The following FIGNL2 variants were observed in gnomAD, a reference collection of about 807,000 sequenced individuals.
FIGNL2 encodes fidgetin-like protein 2.
For missense variants in FIGNL2, 1,060 were observed against 950.2 expected, an observed-to-expected ratio of 1.12 and a Z score of -1.52; for synonymous variants, 565 against 484.0, an observed-to-expected ratio of 1.17 and a Z score of -2.20.
Position 51,822,304 on chromosome 12 carries a change from C to A in FIGNL2, c.110G>T (p.Gly37Val), listed in dbSNP as rs375013993. ...SPAHKLELPPGGRQRCHYAWA... is the reference protein window; with the variant it reads ...SPAHKLELPPVGRQRCHYAWA... ...AGCGTAGTGGCAGCGTTGGCGACCC[C>A]CAGGGGGCAACTCCAACTTGTGGGC... is the stretch of plus-strand genomic sequence containing the variant. The change falls in exon 2 of 2, where the codon GGG becomes GTG. Residue 37 changes from glycine to valine, a missense_variant. Physicochemically the swap from Gly to Val is moderately radical, Grantham distance 109 (BLOSUM62 -3). Transcript: ENST00000618634. 1 of 1,612,292 alleles carries A rather than the reference C, an allele frequency of 6.2e-7. No individual in the cohort carries two copies. Among genetic ancestry groups the A allele is most frequent in the South Asian group, 1.1e-5 (1 of 90,712 alleles).
At chr12:51,842,487 T>C (rs1413159705) in intron 1 of FIGNL2, among the ~76,000 whole-genome samples, 1 of 152,140 alleles carries the variant, frequency 6.6e-6, no homozygotes, top group Admixed American at 6.5e-5. Context: ...GGGATCCTTT[T>C]TCAGGTATAA....
chr12:51,820,869 C>A lies in FIGNL2; in HGVS notation c.1545G>T (p.Leu515=). Residue 515 remains leucine (L), a synonymous_variant, in exon 2 of 2, where the codon CTG becomes CTT. Transcript: ENST00000618634. ...AAGGALQVPL[L]ACLDGGCGAG... The stretch of plus-strand genomic sequence containing the variant: ...CGCCGCAGCCCCCGTCCAGGCAGGC[C>A]AGGAGCGGCACCTGCAGCGCGCCCC... 7.1e-7 allele frequency: 1 copy of A among 1,405,130 alleles called. No homozygotes were observed. Among genetic ancestry groups the A allele is most frequent in the Non-Finnish European group, 9.2e-7 (1 of 1,087,214 alleles). 87.0% of individuals were successfully genotyped at this position (1,405,130 alleles called of 1,614,324 possible). A position where few individuals can be genotyped will look rare whatever the true frequency, so the allele number is the denominator to read the frequency against.
chr12:51,834,239 G>T (rs1939541511), intron 1 of FIGNL2, among the ~76,000 whole-genome samples: 1 of 152,080 alleles, frequency 6.6e-6, no homozygotes, highest in African/African-American at 2.4e-5. Flanking sequence ...GTGGCAAGGG[G>T]TGAAGCCAGG....
intron 1 of FIGNL2, among the ~76,000 whole-genome samples, chr12:51,840,411 T>C (rs1290783622): frequency 6.6e-6 from 1 of 152,110 alleles, no homozygotes; most frequent in South Asian, 2.1e-4. Flanking sequence ...CCTCAATGCA[T>C]AAAAGAAAAA....
intron 1 of FIGNL2, chr12:51,847,376 C>G: frequency 1.0e-6 from 1 of 985,462 alleles, no homozygotes; most frequent in Non-Finnish European, 1.2e-6. Context: ...TGGGCTGGAA[C>G]CGGGTCCCCA....
chr12:51,839,636 C>T (rs1278825860), intron 1 of FIGNL2, among the ~76,000 whole-genome samples: 1 of 152,236 alleles, frequency 6.6e-6, no homozygotes, highest in Non-Finnish European at 1.5e-5. Context: ...CCCTTTCCAG[C>T]TCCTCCAGTC....
In FIGNL2 at chr12:51,822,026, C is replaced by T; in HGVS notation, c.388G>A (p.Gly130Arg). The T allele has an allele frequency of 6.2e-7, 1 of 1,603,616 alleles. No homozygotes were observed. The highest frequency in any genetic ancestry group is 8.5e-7 in the Non-Finnish European group (1 of 1,175,926). The change falls in exon 2 of 2, where the codon GGG (glycine) becomes AGG (arginine). Residue 130 changes from glycine to arginine, a missense_variant. Coordinates refer to ENST00000618634, the MANE Select transcript of FIGNL2 (RefSeq NM_001384995.1). ...SGGGGGSGAL[G>R]GSPVLAGNLP... ...TTCCCGGCTAAAACTGGGGAGCCCC[C>T]CAGGGCCCCGGAACCGCCGCCACCG...
At chr12:51,848,273 G>T in intron 1 of FIGNL2, 2 of 984,880 alleles carry the variant, frequency 2.0e-6, no homozygotes, top group Non-Finnish European at 2.4e-6. Flanking sequence ...ACCAGAGGGG[G>T]CTGCGAGACG....
chr12:51,819,345 C>T lies in FIGNL2; in HGVS notation c.*1107G>A, dbSNP rs1435436931. ...GGGAGCAGCAGGAGAGGAATAAGGCCTCCCTTCTCTCAAACCCCACAGCCC... is the reference window on the plus strand; with the variant it reads ...GGGAGCAGCAGGAGAGGAATAAGGCTTCCCTTCTCTCAAACCCCACAGCCC... On this transcript the variant is annotated 3_prime_UTR_variant, in exon 2 of 2. Transcript: ENST00000618634. The T allele has an allele frequency of 6.6e-6, 1 of 152,620 alleles. No individual in the cohort carries two copies. Among genetic ancestry groups the T allele is most frequent in the Non-Finnish European group, 1.5e-5 (1 of 68,064 alleles). The allele number at this position is 152,620 out of a possible 1,614,324, so 9.5% of individuals were successfully genotyped here. A position where few individuals can be genotyped will look rare whatever the true frequency, so the allele number is the denominator to read the frequency against.
chr12:51,820,429 C>A lies in FIGNL2; in HGVS notation c.*23G>T. ...CGGCGGGGACGGAGGGACTGCGGCT[C>A]CCGCGGCCTCCCCCGCGCGCCGTCA... is the stretch of plus-strand genomic sequence containing the variant. On this transcript the variant is annotated 3_prime_UTR_variant, in exon 2 of 2. Transcript: ENST00000618634. The A allele has an allele frequency of 6.3e-7, 1 of 1,576,128 alleles. No homozygotes were observed. Among genetic ancestry groups the A allele is most frequent in the South Asian group, 1.1e-5 (1 of 87,186 alleles).
In FIGNL2 at chr12:51,819,877, G is replaced by A. The variant is rs1939127671; in HGVS notation, c.*575C>T. 6.4e-6 allele frequency: 1 copy of A among 157,304 alleles called. No homozygotes were observed. Among genetic ancestry groups the A allele is most frequent in the African/African-American group, 2.4e-5 (1 of 41,442 alleles). 9.7% of individuals were successfully genotyped at this position (157,304 alleles called of 1,614,324 possible). A position where few individuals can be genotyped will look rare whatever the true frequency, so the allele number is the denominator to read the frequency against. On this transcript the variant is annotated 3_prime_UTR_variant, in exon 2 of 2. Transcript: ENST00000618634. Reference sequence around the variant, plus strand: ...CACTGCAGTCCAAATAAGAACAGAAGGCAGGGAAAGGCATTAAAGCTCAGG... The same window carrying A: ...CACTGCAGTCCAAATAAGAACAGAAAGCAGGGAAAGGCATTAAAGCTCAGG...
chr12:51,829,647 G>A (rs112494158), intron 1 of FIGNL2, among the ~76,000 whole-genome samples: 16 of 152,260 alleles, frequency 1.1e-4, no homozygotes, highest in African/African-American at 3.4e-4. Flanking sequence ...CAGCCACTGT[G>A]TGCCAGCTAT....
chr12:51,818,644 G>C lies in FIGNL2; in HGVS notation c.*1808C>G, dbSNP rs303820. The C allele has an allele frequency of 0.33, 50,071 of 152,450 alleles. 9,548 individuals are homozygous for C. The highest frequency in any genetic ancestry group is 0.49 in the East Asian group (2,508 of 5,126). 9.4% of individuals were successfully genotyped at this position (152,450 alleles called of 1,614,324 possible). A position where few individuals can be genotyped will look rare whatever the true frequency, so the allele number is the denominator to read the frequency against. On this transcript the variant is annotated 3_prime_UTR_variant, in exon 2 of 2. Coordinates refer to ENST00000618634, the MANE Select transcript of FIGNL2 (RefSeq NM_001384995.1). ...CCCCCCCAGACACCCTCCCAGCCAG[G>C]GGGGAGGCAGTAGACTCTAGGAAAT...
intron 1 of FIGNL2, among the ~76,000 whole-genome samples, chr12:51,824,943 C>T (rs993687317): frequency 6.6e-6 from 1 of 151,990 alleles, no homozygotes; most frequent in African/African-American, 2.4e-5. Context: ...ACTCAGGATG[C>T]TGAGGCAGGA....
rs1304477473 is a variant in FIGNL2, at chr12:51,819,823, C to G, written c.*629G>C. On this transcript the variant is annotated 3_prime_UTR_variant, in exon 2 of 2. Transcript: ENST00000618634. ...AGAGGGGTAACCCTCCTCCTCAGCC[C>G]CTGGGCCTCCAGAGCTCCTGCAAAG... 1 of 153,466 alleles carries G rather than the reference C, an allele frequency of 6.5e-6. No homozygotes were observed. Among genetic ancestry groups the G allele is most frequent in the Non-Finnish European group, 1.5e-5 (1 of 68,732 alleles). 9.5% of individuals were successfully genotyped at this position (153,466 alleles called of 1,614,324 possible).
At position 51,834,109 on chromosome 12, in the gene FIGNL2, TTGGA is replaced by T. The variant is rs75418518; in HGVS notation, c.-11-11689_-11-11686del. 7.0e-3 allele frequency among the ~76,000 whole-genome samples: 940 copies of T among 134,006 alleles called. 15 individuals are homozygous for T. The highest frequency in any genetic ancestry group is 0.023 in the African/African-American group (864 of 36,838). The allele number at this position is 134,006 out of a possible 152,430, so 87.9% of individuals were successfully genotyped here. ...GACAGACGGATGGGTGGATGGATGG[TTGGA>T]TGGATGGATGGATGGATGGATGGAT... On this transcript the variant is annotated intron_variant, in intron 1 of 1. Coordinates refer to ENST00000618634, the MANE Select transcript of FIGNL2 (RefSeq NM_001384995.1).
chr12:51,820,522 C>T lies in FIGNL2; in HGVS notation c.1892G>A (p.Gly631Asp), dbSNP rs754733766. ...KDLEAALAKV[G>D]PRASAKELDS... ...CAGTTCCTTGGCAGAGGCCCTAGGG[C>T]CCACCTTGGCCAGCGCCGCCTCCAG... The change falls in exon 2 of 2, where the codon GGC (glycine) becomes GAC (aspartate). Residue 631 changes from glycine (G) to aspartate (D), a missense_variant. By Grantham distance (94) the Gly-to-Asp change is moderately conservative (BLOSUM62 -1). Coordinates refer to ENST00000618634, the MANE Select transcript of FIGNL2 (RefSeq NM_001384995.1). 2 of 1,567,316 alleles carry T rather than the reference C, an allele frequency of 1.3e-6. No individual in the cohort carries two copies. The highest frequency in any genetic ancestry group is 4.7e-5 in the East Asian group (2 of 42,966).
intron 1 of FIGNL2, among the ~76,000 whole-genome samples, chr12:51,834,409 C>T (rs1939545072): frequency 6.6e-6 from 1 of 152,168 alleles, no homozygotes; most frequent in Non-Finnish European, 1.5e-5. Flanking sequence ...CTGTTACCCC[C>T]CACCCCATTG....
chr12:51,847,050 C>T (rs1050263045), intron 1 of FIGNL2: 2 of 985,258 alleles, frequency 2.0e-6, no homozygotes, highest in African/African-American at 1.7e-5. Flanking sequence ...GCTCGCGCGG[C>T]CGCCCGGTAC....
Sources: allele counts gnomAD v4.1 joint callset (sites outside exome capture counted in the v4.1 genomes callset), GRCh38; gene constraint gnomAD v4.1.1; transcripts MANE v1.5; gene names NCBI Gene and HGNC (gene_info 2026-07-23, HGNC 2026-07-21).